The following AP4S1 variants were observed in gnomAD, a reference collection of about 807,000 sequenced individuals.
The protein encoded by AP4S1 is AP-4 complex subunit sigma-1.
AP4S1 carries 23 observed loss-of-function variants against 19.8 expected under a neutral mutation model. That is an observed-to-expected ratio of 1.16 (90% confidence interval 0.84 to 1.65). AP4S1 has a LOEUF of 1.65. Among genes scored for constraint, AP4S1 ranks in the 40% most tolerant of loss-of-function variants. The pLI is 0.00. For synonymous variants in AP4S1, 46 were observed against 54.1 expected, an observed-to-expected ratio of 0.85 and a Z score of 0.66; for missense variants, 166 against 172.8, an observed-to-expected ratio of 0.96 and a Z score of 0.22.
intron 5 of AP4S1, 31 bp downstream of exon 5, chr14:31,080,615 A>C: frequency 6.2e-7 from 1 of 1,613,864 alleles, no homozygotes; most frequent in Non-Finnish European, 8.5e-7. Context: ...TTTCCACAGT[A>C]CTTGGCAAAT....
chr14:31,069,756 G>A (rs938817628), intron 2 of AP4S1, 87 bp from the exon 3 acceptor site: 2 of 992,694 alleles, frequency 2.0e-6, no homozygotes, highest in Non-Finnish European at 3.2e-6. Flanking sequence ...TGTTTGTCGG[G>A]TAAATCAGAA....
At chr14:31,083,289 A>G (rs1230105905) in intron 5 of AP4S1, among the ~76,000 whole-genome samples, 1 of 152,092 alleles carries the variant, frequency 6.6e-6, no homozygotes, top group Non-Finnish European at 1.5e-5. Flanking sequence ...TAACCAAGTT[A>G]TATGTATTTA....
At chr14:31,070,196 C>T (rs1323280052) in intron 3 of AP4S1, among the ~76,000 whole-genome samples, 1 of 151,954 alleles carries the variant, frequency 6.6e-6, no homozygotes, top group East Asian at 1.9e-4. Context: ...GTTTCACCAT[C>T]GAGGCCAAGA....
In AP4S1 at chr14:31,069,911, TG is replaced by T; in HGVS notation, c.209del (p.Gly70GlufsTer22). On this transcript the variant is annotated frameshift_variant, in exon 3 of 6. Transcript: ENST00000542754. LOFTEE classifies it high-confidence loss of function. ...RQYAALFIVVGVNDTENEMAI... is the reference protein window; with the variant it reads ...RQYAALFIVVXVNDTENEMAI... ...AGTATGCAGCTCTCTTCATTGTGGT[TG>T]GAGTTAATGACACTGAGGTAAGATA... 6.2e-7 allele frequency: 1 copy of T among 1,612,588 alleles called. No individual in the cohort carries two copies. Among genetic ancestry groups the T allele is most frequent in the Non-Finnish European group, 8.5e-7 (1 of 1,178,564 alleles).
intron 1 of AP4S1, among the ~76,000 whole-genome samples, chr14:31,032,011 C>T (rs931018820): frequency 1.3e-5 from 2 of 148,642 alleles, no homozygotes; most frequent in African/African-American, 5.0e-5. Context: ...GTTGAGTCTG[C>T]AGTGAGCTAT....
intron 1 of AP4S1, among the ~76,000 whole-genome samples, chr14:31,037,354 A>G (rs1884843368): frequency 6.6e-6 from 1 of 152,076 alleles, no homozygotes; most frequent in Non-Finnish European, 1.5e-5. Flanking sequence ...TTCTTTTGCT[A>G]TCCTAGTTGT....
At chr14:31,056,774 T>C (rs890034665) in intron 1 of AP4S1, among the ~76,000 whole-genome samples, 1 of 152,198 alleles carries the variant, frequency 6.6e-6, no homozygotes, top group Non-Finnish European at 1.5e-5. Context: ...AAGTTAATGC[T>C]CATTAAGCTC....
At chr14:31,092,385 A>T (rs573352093) in intron 5 of AP4S1, among the ~76,000 whole-genome samples, 2 of 152,268 alleles carry the variant, frequency 1.3e-5, no homozygotes, top group African/African-American at 4.8e-5. Context: ...TTTAAATTCA[A>T]ACCTGGCATT....
At chr14:31,039,343 G>A (rs989026351) in intron 1 of AP4S1, among the ~76,000 whole-genome samples, 2 of 151,740 alleles carry the variant, frequency 1.3e-5, no homozygotes, top group African/African-American at 4.8e-5. Flanking sequence ...GAGCCACCAT[G>A]CCCAGCTAAT....
intron 4 of AP4S1, among the ~76,000 whole-genome samples, chr14:31,077,747 T>C (rs1358278236): frequency 2.0e-5 from 3 of 150,310 alleles, no homozygotes; most frequent in Admixed American, 2.0e-4. Flanking sequence ...TTCTTTTTTT[T>C]TTTTTTTGAG....
chr14:31,033,786 A>G (rs1260842763), intron 1 of AP4S1, among the ~76,000 whole-genome samples: 1 of 152,220 alleles, frequency 6.6e-6, no homozygotes, highest in Non-Finnish European at 1.5e-5. Context: ...AAGGAAAAGG[A>G]TCTTCACAGA....
intron 1 of AP4S1, among the ~76,000 whole-genome samples, chr14:31,030,785 T>C (rs1884344710): frequency 6.6e-6 from 1 of 152,204 alleles, no homozygotes; most frequent in Non-Finnish European, 1.5e-5. Flanking sequence ...GGCAAATACT[T>C]AGCACCAACC....
At chr14:31,085,466 G>A in intron 5 of AP4S1, 1 of 986,072 alleles carries the variant, frequency 1.0e-6, no homozygotes, top group Non-Finnish European at 1.2e-6. Context: ...AATCCGGAAT[G>A]TTTTCTTGAT....
rs1888123131 is a variant in AP4S1 at position 31,093,236 on chromosome 14, T to A, written c.*201T>A. 2.2e-6 allele frequency: 1 copy of A among 451,768 alleles called. No individual in the cohort carries two copies. The highest frequency in any genetic ancestry group is 4.5e-5 in the Admixed American group (1 of 22,062). The allele number at this position is 451,768 out of a possible 1,614,324, so 28.0% of individuals were successfully genotyped here. A position where few individuals can be genotyped will look rare whatever the true frequency, so the allele number is the denominator to read the frequency against. On this transcript the variant is annotated 3_prime_UTR_variant, in exon 6 of 6. Coordinates refer to ENST00000542754, the MANE Select transcript of AP4S1 (RefSeq NM_001128126.3). ...TTTAAAATATGTACAAAGAAAAAAA[T>A]TTCTTTAAACTGAGAGAGAAGTTTT... is the stretch of plus-strand genomic sequence containing the variant.
chr14:31,075,041 A>C (rs1359991651), intron 4 of AP4S1, among the ~76,000 whole-genome samples: 1 of 152,178 alleles, frequency 6.6e-6, no homozygotes, highest in African/African-American at 2.4e-5. Flanking sequence ...GAACATTTGA[A>C]TTATTCTCTT....
At chr14:31,089,365 C>T (rs1331737292) in intron 5 of AP4S1, among the ~76,000 whole-genome samples, 1 of 152,064 alleles carries the variant, frequency 6.6e-6, no homozygotes, top group Non-Finnish European at 1.5e-5. Context: ...TTTTCCCACC[C>T]TACATATTTT....
chr14:31,064,509 C>G (rs1272302321), intron 1 of AP4S1, among the ~76,000 whole-genome samples: 1 of 152,056 alleles, frequency 6.6e-6, no homozygotes, highest in Non-Finnish European at 1.5e-5. Context: ...TTTACTAGAG[C>G]CAAGGATTCA....
intron 1 of AP4S1, among the ~76,000 whole-genome samples, chr14:31,036,503 T>G (rs1296578786): frequency 6.6e-6 from 1 of 152,256 alleles, no homozygotes; most frequent in African/African-American, 2.4e-5. Context: ...ATCTGAATTT[T>G]AGTAATGTTA....
intron 1 of AP4S1, among the ~76,000 whole-genome samples, chr14:31,055,655 C>T (rs930381008): frequency 2.6e-5 from 4 of 151,968 alleles, no homozygotes; most frequent in Admixed American, 2.6e-4. Context: ...TGCTTTTTAA[C>T]TTTGGGGATT....
Sources: gnomAD v4.1 joint callset for allele counts (sites outside exome capture counted in the v4.1 genomes callset) on GRCh38, gnomAD v4.1.1 for gene constraint, MANE v1.5 for transcripts, NCBI Gene and HGNC (gene_info 2026-07-23, HGNC 2026-07-21) for gene names.